DCAF8: variants seen among roughly 807,000 people sequenced by gnomAD.
The protein encoded by DCAF8 is DDB1 and CUL4 associated factor 8.
In DCAF8, 20 loss-of-function variants were observed where a neutral mutation model predicts 68.0. The ratio of observed to expected loss-of-function variants is 0.29; its 90% CI spans 0.21 to 0.43. The LOEUF is 0.43. Among genes scored for constraint, DCAF8 ranks in the 20% least tolerant of loss-of-function variants. DCAF8 has a pLI of 1.00. For missense variants in DCAF8, 460 were observed against 771.0 expected, an observed-to-expected ratio of 0.60 and a Z score of 4.78; for synonymous variants, 230 against 276.9, an observed-to-expected ratio of 0.83 and a Z score of 1.68.
intron 2 of DCAF8, among the ~76,000 whole-genome samples, chr1:160,254,032 A>G (rs1185416845): frequency 6.6e-6 from 1 of 152,142 alleles, no homozygotes; most frequent in Non-Finnish European, 1.5e-5. Context: ...ATCTATAAAA[A>G]TTATTTCCTG....
At chr1:160,227,172 A>G (rs1367678573) in intron 7 of DCAF8, among the ~76,000 whole-genome samples, 1 of 152,238 alleles carries the variant, frequency 6.6e-6, no homozygotes, top group Non-Finnish European at 1.5e-5. Context: ...CTACTGGAGA[A>G]CATCAGCATT....
At chr1:160,241,857 G>A (rs1656128606) in intron 3 of DCAF8, among the ~76,000 whole-genome samples, 1 of 152,200 alleles carries the variant, frequency 6.6e-6, no homozygotes, top group African/African-American at 2.4e-5. Context: ...GAGCTCTGAA[G>A]CAATGTACTC....
chr1:160,218,961 C>G lies in DCAF8; in HGVS notation c.1448G>C (p.Cys483Ser). The G allele has an allele frequency of 6.2e-7, 1 of 1,614,146 alleles. No individual in the cohort carries two copies. Among genetic ancestry groups the G allele is most frequent in the African/African-American group, 1.3e-5 (1 of 75,048 alleles). The change falls in exon 12 of 14, where the codon TGT (cysteine) becomes TCT (serine). Residue 483 changes from cysteine (C) to serine (S), a missense_variant. Cys to Ser is a moderately radical substitution (Grantham distance 112). Transcript: ENST00000368074. Reference protein sequence around the residue: ...MEGDKGGVVNCLEPHPHLPVL... With the variant: ...MEGDKGGVVNSLEPHPHLPVL... Reference sequence around the variant, plus strand: ...AGGCAGGTGAGGGTGGGGCTCAAGACAGTTTACCTGGTCAGGAAGAAAGGA... The same window carrying G: ...AGGCAGGTGAGGGTGGGGCTCAAGAGAGTTTACCTGGTCAGGAAGAAAGGA...
chr1:160,258,481 C>T (rs1457557392), intron 2 of DCAF8, among the ~76,000 whole-genome samples: 2 of 151,806 alleles, frequency 1.3e-5, no homozygotes, highest in East Asian at 3.9e-4. Context: ...ACACCTAAAA[C>T]CCTGGAAATA....
At chr1:160,237,287 AGTTC>A in intron 5 of DCAF8, 58 bp from the exon 6 acceptor site, 5 of 1,210,064 alleles carry the variant, frequency 4.1e-6, no homozygotes, top group Non-Finnish European at 5.9e-6. Flanking sequence ...GAGGTCATCT[AGTTC>A]ATTCCTATAA....
At chr1:160,237,300 A>C in intron 5 of DCAF8, 71 bp from the exon 6 acceptor site, 1 of 1,089,310 alleles carries the variant, frequency 9.2e-7, no homozygotes, top group Non-Finnish European at 1.3e-6. Context: ...TCATTCCTAT[A>C]ACTTTGGGAA....
chr1:160,239,933 G>T lies in DCAF8; in HGVS notation c.487C>A (p.Leu163Met). Residue 163 changes from leucine to methionine, a missense_variant, in exon 4 of 14, where the codon CTG (leucine) becomes ATG (methionine). By Grantham distance (15) the Leu-to-Met change is conservative (BLOSUM62 2). Transcript: ENST00000368074. ...QALPALRERE[L>M]GSSARFVYEA... The stretch of plus-strand genomic sequence containing the variant: ...TAGACAAAGCGGGCACTTGAACCCA[G>T]CTCCCGCTCCCGAAGGGCAGGGAGG... 6.2e-7 allele frequency: 1 copy of T among 1,614,220 alleles called. No individual in the cohort carries two copies. Among genetic ancestry groups the T allele is most frequent in the Non-Finnish European group, 8.5e-7 (1 of 1,180,036 alleles).
intron 6 of DCAF8, among the ~76,000 whole-genome samples, chr1:160,234,941 T>C (rs1218922094): frequency 6.6e-6 from 1 of 152,230 alleles, no homozygotes; most frequent in East Asian, 1.9e-4. Flanking sequence ...TTCTATCTTT[T>C]AAGCAGTTGT....
chr1:160,238,578 C>T (rs1376048647), intron 5 of DCAF8, 29 bp downstream of exon 5: 4 of 1,571,398 alleles, frequency 2.5e-6, no homozygotes, highest in Non-Finnish European at 3.5e-6. Context: ...ATTTGGATTG[C>T]ACAAATTTTG....
Position 160,215,828 on chromosome 1 carries a change from AC to A in DCAF8, c.*1763del. 1.3e-5 allele frequency: 2 copies of A among 152,266 alleles called. No homozygotes were observed. Among genetic ancestry groups the A allele is most frequent in the Non-Finnish European group, 1.5e-5 (1 of 68,008 alleles). 9.4% of individuals were successfully genotyped at this position (152,266 alleles called of 1,614,324 possible). On this transcript the variant is annotated 3_prime_UTR_variant, in exon 14 of 14. Transcript: ENST00000368074. Reference sequence around the variant, plus strand: ...CAATAGGAACACAGACCACTCGATCACCACACATTCCCTACCTCAGGGAGTA... The same window carrying A: ...CAATAGGAACACAGACCACTCGATCACACACATTCCCTACCTCAGGGAGTA...
At chr1:160,243,332 T>A (rs1656191369) in intron 3 of DCAF8, among the ~76,000 whole-genome samples, 1 of 150,018 alleles carries the variant, frequency 6.7e-6, no homozygotes, top group Admixed American at 6.7e-5. Context: ...GGAGGGGAAG[T>A]AAGGAAAGGA....
chr1:160,226,992 A>AT (rs1655499294), intron 7 of DCAF8, among the ~76,000 whole-genome samples: 1 of 152,196 alleles, frequency 6.6e-6, no homozygotes, highest in Non-Finnish European at 1.5e-5. Context: ...TACAGAGAAG[A>AT]TTTTCCCTTC....
At chr1:160,243,405 C>CT (rs1656194100) in intron 3 of DCAF8, among the ~76,000 whole-genome samples, 1 of 121,420 alleles carries the variant, frequency 8.2e-6, no homozygotes. Context: ...TATGTAATCA[C>CT]CTTTTTTTTT....
chr1:160,226,807 C>T (rs1400660255), intron 7 of DCAF8, among the ~76,000 whole-genome samples: 1 of 152,186 alleles, frequency 6.6e-6, no homozygotes, highest in Non-Finnish European at 1.5e-5. Context: ...TGGTTCTCAA[C>T]TCACCACTGA....
At position 160,231,187 on chromosome 1, in the gene DCAF8, T is replaced by C. The variant is rs1156512700; in HGVS notation, c.1070+110A>G. ...GAAAACGGTAAAAAATTCAAGATAATAGTTAATGGATTCCTATAAAATTCG... is the reference window on the plus strand; with the variant it reads ...GAAAACGGTAAAAAATTCAAGATAACAGTTAATGGATTCCTATAAAATTCG... On this transcript the variant is annotated intron_variant, in intron 7 of 13. Transcript: ENST00000368074. The C allele has an allele frequency of 1.3e-5, 10 of 755,886 alleles. No homozygotes were observed. The Admixed American group carries it at 1.9e-4, about 15-fold the overall frequency. 46.8% of individuals were successfully genotyped at this position (755,886 alleles called of 1,614,324 possible). A position where few individuals can be genotyped will look rare whatever the true frequency, so the allele number is the denominator to read the frequency against.
At chr1:160,254,653 A>G (rs1656754640) in intron 2 of DCAF8, among the ~76,000 whole-genome samples, 1 of 152,092 alleles carries the variant, frequency 6.6e-6, no homozygotes, top group African/African-American at 2.4e-5. Context: ...TTAGCTGGGC[A>G]TGGTGGCATG....
At chr1:160,230,539 G>C (rs1009481198) in intron 7 of DCAF8, among the ~76,000 whole-genome samples, 6 of 152,162 alleles carry the variant, frequency 3.9e-5, no homozygotes, top group African/African-American at 1.4e-4. Context: ...AAAAAAAGTG[G>C]TAGCTCAGGA....
intron 4 of DCAF8, chr1:160,239,261 C>A (rs1656003946): frequency 9.1e-7 from 1 of 1,097,200 alleles, no homozygotes; most frequent in Non-Finnish European, 1.2e-6. Context: ...AGTCACAGTT[C>A]TAACTGCTTA....
At chr1:160,236,376 ATG>A (rs914130437) in intron 6 of DCAF8, among the ~76,000 whole-genome samples, 103 of 151,808 alleles carry the variant, frequency 6.8e-4, no homozygotes, top group East Asian at 7.7e-4. Context: ...ATAAACATAT[ATG>A]TGTGTGTATA....
Sources: allele counts gnomAD v4.1 joint callset (sites outside exome capture counted in the v4.1 genomes callset), GRCh38; gene constraint gnomAD v4.1.1; transcripts MANE v1.5; gene names NCBI Gene and HGNC (gene_info 2026-07-23, HGNC 2026-07-21).